SCHIP1: variants seen among roughly 807,000 people sequenced by gnomAD.
SCHIP1 encodes the protein schwannomin interacting protein 1.
Under a neutral mutation model 29.7 loss-of-function variants are expected in SCHIP1, and 8 were observed. The observed-to-expected ratio is 0.27, with a 90% CI of 0.16 to 0.49. The LOEUF is 0.49. Among genes scored for constraint, SCHIP1 ranks in the 20% least tolerant of loss-of-function variants. SCHIP1 has a pLI of 0.99. For missense variants in SCHIP1, 193 were observed against 294.6 expected (o/e 0.66, Z 2.52); for synonymous variants, 76 against 94.9 (o/e 0.80, Z 1.16).
chr3:159,764,810 C>T, the SCHIP1 span: 65 of 1,580,626 alleles, frequency 4.1e-5, no homozygotes, highest in Non-Finnish European at 4.7e-5. The surrounding 1 kb of genome is among the most constrained non-coding windows in gnomAD (Gnocchi z 6.1). Flanking sequence ...ACCGCCATGC[C>T]GCCCCCGGTG....
upstream of SCHIP1, among the ~76,000 whole-genome samples, chr3:159,836,139 G>A (rs7615917): frequency 0.06 from 9,132 of 152,208 alleles, 870 homozygotes; most frequent in African/African-American, 0.2. Context: ...GTTAGTATTC[G>A]TCTTAGTCTG....
the SCHIP1 span, among the ~76,000 whole-genome samples, chr3:159,310,231 T>C: frequency 6.6e-6 from 1 of 152,142 alleles, no homozygotes; most frequent in East Asian, 1.9e-4. Context: ...AGGAGATACA[T>C]GGGAACAAGA....
chr3:159,550,386 A>G, the SCHIP1 span, among the ~76,000 whole-genome samples: 2 of 152,038 alleles, frequency 1.3e-5, no homozygotes, highest in African/African-American at 2.4e-5. Flanking sequence ...TTTGCTATAT[A>G]TATTTTAAGT....
chr3:159,782,364 T>C, the SCHIP1 span, among the ~76,000 whole-genome samples: 41 of 152,352 alleles, frequency 2.7e-4, 2 homozygotes, highest in South Asian at 8.5e-3. Flanking sequence ...CTATACCAAA[T>C]AGCTGGAAGT....
chr3:159,694,755 A>G, the SCHIP1 span, among the ~76,000 whole-genome samples: 1 of 152,180 alleles, frequency 6.6e-6, no homozygotes, highest in Non-Finnish European at 1.5e-5. Flanking sequence ...AAACTGGGCT[A>G]ATAGAATAAG....
At chr3:159,404,692 C>A in the SCHIP1 span, among the ~76,000 whole-genome samples, 1 of 152,220 alleles carries the variant, frequency 6.6e-6, no homozygotes, top group South Asian at 2.1e-4. Context: ...TTGGAACCCA[C>A]CCAGGACTAG....
At chr3:159,685,252 G>A in the SCHIP1 span, among the ~76,000 whole-genome samples, 1 of 152,046 alleles carries the variant, frequency 6.6e-6, no homozygotes, top group South Asian at 2.1e-4. Context: ...TACTTGTTTT[G>A]CATTTTCCCA....
the SCHIP1 span, among the ~76,000 whole-genome samples, chr3:159,716,284 C>T: frequency 6.6e-6 from 1 of 152,200 alleles, no homozygotes; most frequent in East Asian, 1.9e-4. Flanking sequence ...TGGTATCAGC[C>T]ACTGCAAAAA....
At chr3:159,810,601 A>G in the SCHIP1 span, among the ~76,000 whole-genome samples, 2 of 152,172 alleles carry the variant, frequency 1.3e-5, no homozygotes, top group East Asian at 1.9e-4. Context: ...TTCACTTAAC[A>G]TATTGTTTTT....
the SCHIP1 span, among the ~76,000 whole-genome samples, chr3:159,485,828 T>C: frequency 7.2e-5 from 11 of 152,312 alleles, no homozygotes; most frequent in East Asian, 1.9e-3. Context: ...TATTTTCTTG[T>C]CCATAACACA....
chr3:159,557,288 G>A, the SCHIP1 span, among the ~76,000 whole-genome samples: 2 of 152,082 alleles, frequency 1.3e-5, no homozygotes, highest in African/African-American at 4.8e-5. Context: ...TACATTTCAT[G>A]CTCATTTTAT....
chr3:159,641,242 AAAT>A, the SCHIP1 span, among the ~76,000 whole-genome samples: 1 of 152,138 alleles, frequency 6.6e-6, no homozygotes, highest in Non-Finnish European at 1.5e-5. Flanking sequence ...AATTTGACAA[AAAT>A]AATTTTAAAT....
chr3:159,556,578 C>T, the SCHIP1 span, among the ~76,000 whole-genome samples: 1 of 151,912 alleles, frequency 6.6e-6, no homozygotes, highest in Non-Finnish European at 1.5e-5. Context: ...CCATGGAACA[C>T]TATGCAGCCA....
the SCHIP1 span, among the ~76,000 whole-genome samples, chr3:159,755,511 G>A: frequency 6.6e-6 from 1 of 152,174 alleles, no homozygotes; most frequent in Admixed American, 6.5e-5. Flanking sequence ...AATTATGGAA[G>A]CTACAAGATG....
At chr3:159,615,122 G>A in the SCHIP1 span, among the ~76,000 whole-genome samples, 6 of 152,316 alleles carry the variant, frequency 3.9e-5, no homozygotes, top group East Asian at 1.9e-4. Context: ...GCCCAAGAAC[G>A]GGGTAGAGGT....
At chr3:159,802,648 A>G in the SCHIP1 span, among the ~76,000 whole-genome samples, 1 of 152,194 alleles carries the variant, frequency 6.6e-6, no homozygotes, top group Non-Finnish European at 1.5e-5. Context: ...TGGGAGTATG[A>G]TGGGAATGAC....
the SCHIP1 span, among the ~76,000 whole-genome samples, chr3:159,595,121 A>G: frequency 1.3e-5 from 2 of 152,162 alleles, no homozygotes; most frequent in Non-Finnish European, 2.9e-5. Context: ...GAGAACATCT[A>G]TAAAGACTGG....
intron 2 of SCHIP1, among the ~76,000 whole-genome samples, chr3:159,884,650 C>T (rs1272162529): frequency 6.6e-6 from 1 of 152,166 alleles, no homozygotes; most frequent in Non-Finnish European, 1.5e-5. Context: ...TTGCCCTGCA[C>T]TAAGCTCTGA....
At chr3:159,507,731 G>A in the SCHIP1 span, among the ~76,000 whole-genome samples, 1 of 152,104 alleles carries the variant, frequency 6.6e-6, no homozygotes, top group South Asian at 2.1e-4. Flanking sequence ...TAATCATGTG[G>A]TTTTTGTCAT....
Sources: gnomAD v4.1 joint callset for allele counts (sites outside exome capture counted in the v4.1 genomes callset) on GRCh38, gnomAD v4.1.1 for gene constraint, Gnocchi (gnomAD v3.1) non-coding constraint, MANE v1.5 for transcripts, NCBI Gene and HGNC (gene_info 2026-07-23, HGNC 2026-07-21) for gene names.